The following SUCLG1 variants were observed in gnomAD, a reference collection of about 807,000 sequenced individuals.
SUCLG1 encodes succinate-CoA ligase GDP/ADP-forming subunit alpha, also known as succinate--CoA ligase [ADP/GDP-forming] subunit alpha, mitochondrial.
SUCLG1 carries 26 observed loss-of-function variants against 37.3 expected under a neutral mutation model. That is an observed-to-expected ratio of 0.70 (90% CI 0.51 to 0.97). The LOEUF (loss-of-function observed/expected upper bound fraction) is 0.97, where lower values mean the gene tolerates loss of function less well. Among genes scored for constraint, SUCLG1 ranks in the 50% least tolerant of loss-of-function variants. The probability of loss-of-function intolerance (pLI) is 0.00; values close to 1 mark genes in which losing one functional copy is unlikely to be tolerated. For missense variants in SUCLG1, 433 were observed against 432.9 expected, an observed-to-expected ratio of 1.00 and a Z score of 0.00; for synonymous variants, 163 against 155.6, an observed-to-expected ratio of 1.05 and a Z score of -0.36.
chr2:84,455,439 A>T (rs1239520017), intron 1 of SUCLG1, among the ~76,000 whole-genome samples: 4 of 152,014 alleles, frequency 2.6e-5, no homozygotes, highest in African/African-American at 9.7e-5. Context: ...GGATGCGGTG[A>T]GCTGAGATTG....
intron 8 of SUCLG1, among the ~76,000 whole-genome samples, 153 bp from the exon 9 acceptor site, chr2:84,423,925 G>A (rs1011831100): frequency 6.6e-6 from 1 of 152,192 alleles, no homozygotes; most frequent in Non-Finnish European, 1.5e-5. Context: ...GGATGAGGGT[G>A]TTTGAACACA....
chr2:84,426,989 A>G (rs1009395962), intron 7 of SUCLG1: 1 of 153,718 alleles, frequency 6.5e-6, no homozygotes, highest in Non-Finnish European at 1.5e-5. Flanking sequence ...AACAAATTTT[A>G]TAAATATTTG....
intron 7 of SUCLG1, among the ~76,000 whole-genome samples, chr2:84,430,394 A>C (rs185331668): frequency 1.4e-4 from 22 of 152,368 alleles, no homozygotes; most frequent in Non-Finnish European, 3.1e-4. Context: ...TCTAAGTGAC[A>C]GACAGGAGCC....
intron 1 of SUCLG1, among the ~76,000 whole-genome samples, chr2:84,454,713 G>A (rs1266023373): frequency 1.3e-5 from 2 of 152,190 alleles, no homozygotes; most frequent in Non-Finnish European, 2.9e-5. Flanking sequence ...TTTTCAACAG[G>A]GGTGATAGAT....
intron 5 of SUCLG1, 112 bp downstream of exon 5, chr2:84,440,935 A>G: frequency 9.5e-7 from 1 of 1,056,378 alleles, no homozygotes; most frequent in Non-Finnish European, 1.4e-6. Context: ...GGTAAATTCT[A>G]CTCAAGTCAA....
intron 8 of SUCLG1, among the ~76,000 whole-genome samples, chr2:84,424,523 T>TA (rs1303542811): frequency 1.3e-5 from 2 of 151,960 alleles, no homozygotes; most frequent in Admixed American, 6.6e-5. Context: ...CAAAGATCAA[T>TA]AAAAAAAGGA....
At chr2:84,451,210 C>A (rs529872415) in intron 1 of SUCLG1, among the ~76,000 whole-genome samples, 13 of 152,300 alleles carry the variant, frequency 8.5e-5, no homozygotes, top group African/African-American at 3.1e-4. Flanking sequence ...CCTTTCCTAC[C>A]CTGCTACAAT....
chr2:84,437,120 G>A (rs140971314), intron 5 of SUCLG1, among the ~76,000 whole-genome samples: 12 of 152,158 alleles, frequency 7.9e-5, no homozygotes, highest in Middle Eastern at 3.4e-3. Context: ...TCTTCAACAC[G>A]GTCCCTCCCC....
chr2:84,449,620 T>C (rs1301423534), intron 2 of SUCLG1, 29 bp downstream of exon 2: 2 of 1,422,820 alleles, frequency 1.4e-6, no homozygotes, highest in East Asian at 4.6e-5. Flanking sequence ...CTAGTCTACA[T>C]TTGAAAATAA....
At chr2:84,438,472 G>A (rs1281550543) in intron 5 of SUCLG1, among the ~76,000 whole-genome samples, 1 of 152,110 alleles carries the variant, frequency 6.6e-6, no homozygotes, top group Non-Finnish European at 1.5e-5. Context: ...ACAAAAACTG[G>A]AAATCCATTA....
At chr2:84,438,129 T>G (rs1465546346) in intron 5 of SUCLG1, among the ~76,000 whole-genome samples, 1 of 152,232 alleles carries the variant, frequency 6.6e-6, no homozygotes, top group Non-Finnish European at 1.5e-5. Context: ...AGAAAAGTTC[T>G]CTATATTGAC....
In SUCLG1 at chr2:84,436,789, G is replaced by A. The variant is rs544908867; in HGVS notation, c.590-3354C>T. Reference sequence around the variant, plus strand: ...CACCAATGGTGCTTGAGATTCTATAGCAGCTACCTTCTTCACTAGACTATA... The same window carrying A: ...CACCAATGGTGCTTGAGATTCTATAACAGCTACCTTCTTCACTAGACTATA... On this transcript the variant is annotated intron_variant, in intron 5 of 8. Coordinates refer to ENST00000393868, the MANE Select transcript of SUCLG1 (RefSeq NM_003849.4). 2.6e-5 allele frequency among the ~76,000 whole-genome samples: 4 copies of A among 152,244 alleles called. No homozygotes were observed. In the East Asian group the frequency reaches 7.7e-4, roughly 29 times the overall value.
At chr2:84,448,170 G>GGAA (rs1485985544) in intron 2 of SUCLG1, among the ~76,000 whole-genome samples, 2,731 of 137,670 alleles carry the variant, frequency 0.02, 75 homozygotes, top group African/African-American at 0.07. Flanking sequence ...AGTTATTTCA[G>GGAA]AAAAAAAAAA....
At chr2:84,439,192 A>AAG (rs1672733056) in intron 5 of SUCLG1, among the ~76,000 whole-genome samples, 1 of 151,756 alleles carries the variant, frequency 6.6e-6, no homozygotes, top group African/African-American at 2.4e-5. Context: ...TTTTTTTTAA[A>AAG]AAAAAAAAAA....
intron 1 of SUCLG1, among the ~76,000 whole-genome samples, chr2:84,453,693 A>T (rs1476602490): frequency 6.6e-6 from 1 of 152,234 alleles, no homozygotes; most frequent in Non-Finnish European, 1.5e-5. Context: ...CTGGGATTAC[A>T]GGCAGGAGCC....
chr2:84,454,468 T>C (rs772812082), intron 1 of SUCLG1, among the ~76,000 whole-genome samples: 1 of 152,226 alleles, frequency 6.6e-6, no homozygotes, highest in African/African-American at 2.4e-5. Flanking sequence ...ATTAGCGTTA[T>C]TATTACCGAT....
intron 1 of SUCLG1, among the ~76,000 whole-genome samples, chr2:84,454,077 A>G (rs1280932016): frequency 6.6e-6 from 1 of 152,240 alleles, no homozygotes; most frequent in East Asian, 1.9e-4. Flanking sequence ...ACCAGGTAGC[A>G]CAGTCTCTGG....
In SUCLG1 at chr2:84,459,207, G is replaced by T. The variant is rs982734922; in HGVS notation, c.63C>A (p.Leu21=). Residue 21 remains leucine (L), a synonymous_variant, in exon 1 of 9, where the codon CTC becomes CTA. Transcript: ENST00000393868. The stretch of plus-strand genomic sequence containing the variant: ...TGCGCGACAGGAGACGGGCGGCGGC[G>T]AGGCCGCTGCTGCCGGAGACCATGG... ...IATMVSGSSG[L]AAARLLSRSF... 30 of 1,549,972 alleles carry T rather than the reference G, an allele frequency of 1.9e-5. No homozygotes were observed. In the Admixed American group the frequency reaches 5.5e-4, roughly 28 times the overall value.
At chr2:84,457,009 TAC>T (rs1469075432) in intron 1 of SUCLG1, among the ~76,000 whole-genome samples, 2 of 152,200 alleles carry the variant, frequency 1.3e-5, no homozygotes, top group Non-Finnish European at 2.9e-5. Flanking sequence ...GGAAGGCATC[TAC>T]CAGTGTTCAC....
Sources: allele counts gnomAD v4.1 joint callset (sites outside exome capture counted in the v4.1 genomes callset), GRCh38; gene constraint gnomAD v4.1.1; transcripts MANE v1.5; gene names NCBI Gene and HGNC (gene_info 2026-07-23, HGNC 2026-07-21).